The following KCNQ3 variants were observed in gnomAD, a reference collection of about 807,000 sequenced individuals.
KCNQ3 encodes the protein potassium voltage-gated channel subfamily Q member 3.
In KCNQ3, 30 loss-of-function variants were observed where a neutral mutation model predicts 92.5. The ratio of observed to expected loss-of-function variants is 0.32; its 90% confidence interval spans 0.24 to 0.44. The LOEUF (loss-of-function observed/expected upper bound fraction) is 0.44. Ranked by LOEUF, KCNQ3 falls within the 20% of genes least tolerant of loss-of-function variation. KCNQ3 has a pLI of 1.00. For missense variants in KCNQ3, 913 were observed against 1,140.3 expected (o/e 0.80, Z 2.87); for synonymous variants, 450 against 468.8 (o/e 0.96, Z 0.52).
intron 1 of KCNQ3, among the ~76,000 whole-genome samples, chr8:132,476,346 G>T (rs1822411786): frequency 1.3e-5 from 2 of 152,220 alleles, no homozygotes; most frequent in South Asian, 4.1e-4. Context: ...CCCCAGAATG[G>T]TAGATCCACA....
intron 1 of KCNQ3, among the ~76,000 whole-genome samples, chr8:132,290,720 G>C (rs1197643374): frequency 6.6e-6 from 1 of 152,210 alleles, no homozygotes; most frequent in East Asian, 1.9e-4. Context: ...ACCATGCTGA[G>C]TTAGAAAACA....
At chr8:132,180,851 C>CAAAAAAAAAAAA (rs1826739449) in intron 3 of KCNQ3, among the ~76,000 whole-genome samples, 1 of 103,568 alleles carries the variant, frequency 9.7e-6, no homozygotes. Flanking sequence ...AAAAAAAAAA[C>CAAAAAAAAAAAA]CAATGTTGGG....
At chr8:132,457,805 C>T (rs1821975659) in intron 1 of KCNQ3, among the ~76,000 whole-genome samples, 1 of 152,170 alleles carries the variant, frequency 6.6e-6, no homozygotes, top group South Asian at 2.1e-4. Context: ...TCACAGTGGG[C>T]TGGTGGGGCA....
chr8:132,398,066 T>C (rs1386552649), intron 1 of KCNQ3, among the ~76,000 whole-genome samples: 1 of 152,226 alleles, frequency 6.6e-6, no homozygotes, highest in Admixed American at 6.5e-5. Context: ...AGGCAAACAC[T>C]GAGAATTACA....
chr8:132,129,661 C>T lies in KCNQ3; in HGVS notation c.2220G>A (p.Thr740=), dbSNP rs758265549. The part of the protein sequence containing the change: ...VQATPPSSAT[T]YVERPTVLPI... ...GCAGGACCGTGGGCCTCTCCACATACGTTGTTGCTGAGGAAGGAGGAGTTG... is the reference window on the plus strand; with the variant it reads ...GCAGGACCGTGGGCCTCTCCACATATGTTGTTGCTGAGGAAGGAGGAGTTG... Residue 740 remains threonine (T), a synonymous_variant, in exon 15 of 15, where the codon ACG becomes ACA. Coordinates refer to ENST00000388996, the MANE Select transcript of KCNQ3 (RefSeq NM_004519.4). The surrounding 1 kb of genome is among the most constrained non-coding windows in gnomAD (Gnocchi z 5.9). The T allele has an allele frequency of 7.4e-6, 12 of 1,614,036 alleles. No homozygotes were observed. Among genetic ancestry groups the T allele is most frequent in the East Asian group, 4.5e-5 (2 of 44,890 alleles).
chr8:132,148,512 TC>T (rs2130956573), intron 9 of KCNQ3, among the ~76,000 whole-genome samples: 1 of 152,344 alleles, frequency 6.6e-6, no homozygotes, highest in Non-Finnish European at 1.5e-5. Context: ...ATAACTCCTA[TC>T]CTTTGTGTGA....
At chr8:132,291,505 T>C (rs545125328) in intron 1 of KCNQ3, among the ~76,000 whole-genome samples, 33 of 152,388 alleles carry the variant, frequency 2.2e-4, no homozygotes, top group Non-Finnish European at 3.1e-4. Context: ...AAGTGCTTAA[T>C]TTTTATGCCT....
rs1194157582 is a variant in KCNQ3, at chr8:132,239,202, A to T, written c.387-53021T>A. 4.6e-5 allele frequency among the ~76,000 whole-genome samples: 7 copies of T among 152,204 alleles called. No individual in the cohort carries two copies. The East Asian group carries it at 1.3e-3, about 29-fold the overall frequency. ...AAATGCTGGAGGAACCAAAGCTGCA[A>T]ATTCCAACACATGCCCTACTCCAGC... On this transcript the variant is annotated intron_variant, in intron 1 of 14. Coordinates refer to ENST00000388996, the MANE Select transcript of KCNQ3 (RefSeq NM_004519.4).
chr8:132,229,411 C>T (rs1814555759), intron 1 of KCNQ3, among the ~76,000 whole-genome samples: 1 of 152,118 alleles, frequency 6.6e-6, no homozygotes, highest in African/African-American at 2.4e-5. Context: ...ATACTGAGGA[C>T]TTCAAGTCAA....
chr8:132,321,278 C>T (rs1397793498), intron 1 of KCNQ3, among the ~76,000 whole-genome samples: 6 of 152,212 alleles, frequency 3.9e-5, no homozygotes, highest in Admixed American at 2.0e-4. Flanking sequence ...TAGTGCCCTA[C>T]TAAAATCTGG....
intron 8 of KCNQ3, among the ~76,000 whole-genome samples, chr8:132,169,371 T>A (rs1206108847): frequency 6.6e-6 from 1 of 152,224 alleles, no homozygotes; most frequent in Non-Finnish European, 1.5e-5. Flanking sequence ...AATAATGAAC[T>A]CGAATGCCTA....
chr8:132,355,744 T>C (rs1033849978), intron 1 of KCNQ3, among the ~76,000 whole-genome samples: 2 of 152,208 alleles, frequency 1.3e-5, no homozygotes, highest in African/African-American at 4.8e-5. Flanking sequence ...TGAGCTCATA[T>C]AGTCCCCTTT....
intron 1 of KCNQ3, among the ~76,000 whole-genome samples, chr8:132,279,706 A>G (rs1816452146): frequency 6.6e-6 from 1 of 152,264 alleles, no homozygotes; most frequent in South Asian, 2.1e-4. Context: ...TTGTATGTCT[A>G]CATATATGCA....
chr8:132,202,526 C>G (rs566871548), intron 1 of KCNQ3, among the ~76,000 whole-genome samples: 1 of 152,146 alleles, frequency 6.6e-6, no homozygotes, highest in African/African-American at 2.4e-5. Flanking sequence ...AAAGAAGCCA[C>G]GCAGCACCTT....
intron 1 of KCNQ3, among the ~76,000 whole-genome samples, chr8:132,368,126 G>A (rs1819374535): frequency 6.6e-6 from 1 of 152,176 alleles, no homozygotes; most frequent in Admixed American, 6.5e-5. Flanking sequence ...GACTTTATGT[G>A]AAATGATGTA....
At chr8:132,333,133 T>A (rs1818275640) in intron 1 of KCNQ3, among the ~76,000 whole-genome samples, 1 of 152,168 alleles carries the variant, frequency 6.6e-6, no homozygotes, top group Non-Finnish European at 1.5e-5. Flanking sequence ...CTCAGTGCTA[T>A]CCTTCTGGGT....
chr8:132,132,231 T>C lies in KCNQ3; in HGVS notation c.1833A>G (p.Ser611=). The C allele has an allele frequency of 6.2e-7, 1 of 1,613,830 alleles. No homozygotes were observed. The highest frequency in any genetic ancestry group is 2.2e-5 in the East Asian group (1 of 44,876). The change falls in exon 14 of 15, where the codon TCA becomes TCG. Residue 611 remains serine (S), a synonymous_variant. Coordinates refer to ENST00000388996, the MANE Select transcript of KCNQ3 (RefSeq NM_004519.4). The part of the protein sequence containing the change: ...NEPYVARPST[S]EIEDQSMMGK... ...CCATCATGCTTTGGTCTTCGATTTC[T>C]GATGTGGATGGTCTGGCTACATATG... is the stretch of plus-strand genomic sequence containing the variant.
intron 8 of KCNQ3, among the ~76,000 whole-genome samples, chr8:132,165,396 G>A (rs143105897): frequency 1.1e-4 from 16 of 152,268 alleles, no homozygotes; most frequent in African/African-American, 3.6e-4. Flanking sequence ...TAAATGAATG[G>A]ACTAAATGAA....
intron 1 of KCNQ3, among the ~76,000 whole-genome samples, chr8:132,265,232 G>C (rs530640887): frequency 5.1e-4 from 77 of 152,200 alleles, no homozygotes; most frequent in Non-Finnish European, 9.3e-4. Context: ...TAAAATTTGA[G>C]TAACCATTTA....
Sources: allele counts gnomAD v4.1 joint callset (sites outside exome capture counted in the v4.1 genomes callset), GRCh38; gene constraint gnomAD v4.1.1; non-coding constraint Gnocchi (gnomAD v3.1); transcripts MANE v1.5; gene names NCBI Gene and HGNC (gene_info 2026-07-23, HGNC 2026-07-21).